The following PGM2L1 variants were observed in gnomAD, a reference collection of about 807,000 sequenced individuals.
PGM2L1 encodes the protein phosphoglucomutase 2 like 1.
PGM2L1 carries 35 observed loss-of-function variants against 73.4 expected under a neutral mutation model. The observed-to-expected ratio is 0.48, with a 90% CI of 0.36 to 0.63. The LOEUF (loss-of-function observed/expected upper bound fraction) is 0.63. PGM2L1 is among the 30% of genes least tolerant of loss of function. The pLI is 0.00. For missense variants in PGM2L1, 570 were observed against 742.0 expected (o/e 0.77, Z 2.69); for synonymous variants, 225 against 253.8 (o/e 0.89, Z 1.08).
At chr11:74,354,461 C>A (rs762464166) in intron 5 of PGM2L1, 1 of 858,932 alleles carries the variant, frequency 1.2e-6, no homozygotes, top group Non-Finnish European at 1.9e-6. Flanking sequence ...GTCAGAGTCT[C>A]CTAAAGAGCC....
chr11:74,361,028 T>C (rs895406044), intron 5 of PGM2L1, among the ~76,000 whole-genome samples: 1 of 152,176 alleles, frequency 6.6e-6, no homozygotes, highest in Non-Finnish European at 1.5e-5. Flanking sequence ...AATGTCCCTG[T>C]CTGACAGCTT....
intron 3 of PGM2L1, 111 bp from the exon 4 acceptor site, chr11:74,371,097 A>G: frequency 1.6e-6 from 1 of 641,730 alleles, no homozygotes; most frequent in Non-Finnish European, 2.5e-6. Flanking sequence ...GTATCCTAAT[A>G]TAGCCCTTTC....
At chr11:74,341,638 G>A (rs1862183592) in intron 12 of PGM2L1, among the ~76,000 whole-genome samples, 1 of 143,868 alleles carries the variant, frequency 7.0e-6, no homozygotes, top group Admixed American at 7.4e-5. Flanking sequence ...GTTGCAGTAA[G>A]CTGAGATCAT....
At chr11:74,342,307 T>C (rs957178314) in intron 12 of PGM2L1, among the ~76,000 whole-genome samples, 154 bp downstream of exon 12, 30 of 152,278 alleles carry the variant, frequency 2.0e-4, no homozygotes, top group African/African-American at 7.2e-4. Context: ...ATCTCTTCCA[T>C]CTGGCTGTTC....
chr11:74,390,631 G>A (rs191534683), intron 1 of PGM2L1, among the ~76,000 whole-genome samples: 64 of 152,244 alleles, frequency 4.2e-4, no homozygotes, highest in Admixed American at 1.7e-3. Flanking sequence ...GGAACGAAAG[G>A]ACTAAACCTA....
chr11:74,363,850 T>G (rs1172714132), intron 5 of PGM2L1, among the ~76,000 whole-genome samples: 1 of 152,184 alleles, frequency 6.6e-6, no homozygotes, highest in Non-Finnish European at 1.5e-5. Flanking sequence ...GAATCCTCCC[T>G]AACTCATTTG....
chr11:74,359,075 TC>T (rs779253121), intron 5 of PGM2L1, among the ~76,000 whole-genome samples: 1 of 152,150 alleles, frequency 6.6e-6, no homozygotes, highest in Non-Finnish European at 1.5e-5. Context: ...GCATATATAT[TC>T]ATGCATATAT....
At chr11:74,383,339 A>T (rs1862974062) in intron 1 of PGM2L1, among the ~76,000 whole-genome samples, 1 of 152,190 alleles carries the variant, frequency 6.6e-6, no homozygotes, top group Non-Finnish European at 1.5e-5. Context: ...ATGCACAGAA[A>T]AATAAAACTA....
intron 5 of PGM2L1, chr11:74,355,291 C>T (rs1480089515): frequency 6.7e-6 from 6 of 897,452 alleles, no homozygotes; most frequent in Admixed American, 5.1e-5. Context: ...TGGTGGCTCA[C>T]ACCTGTAATC....
intron 2 of PGM2L1, among the ~76,000 whole-genome samples, chr11:74,372,462 A>C (rs1014256026): frequency 3.9e-5 from 6 of 152,232 alleles, no homozygotes; most frequent in African/African-American, 1.2e-4. Context: ...AACTAAAACC[A>C]TTTAACTATC....
chr11:74,368,462 A>G, intron 5 of PGM2L1, 30 bp downstream of exon 5: 1 of 1,546,462 alleles, frequency 6.5e-7, no homozygotes, highest in Non-Finnish European at 8.9e-7. Context: ...GAACTATAAG[A>G]TAAGCAAAGG....
At chr11:74,350,058 G>T (rs1591170475) in intron 6 of PGM2L1, among the ~76,000 whole-genome samples, 1 of 151,956 alleles carries the variant, frequency 6.6e-6, no homozygotes, top group East Asian at 1.9e-4. Flanking sequence ...ATTTGCTTTT[G>T]CCCATATACT....
At chr11:74,355,816 A>G in intron 5 of PGM2L1, 1 of 451,792 alleles carries the variant, frequency 2.2e-6, no homozygotes, top group Non-Finnish European at 4.4e-6. Context: ...AACTCAGCCA[A>G]GCACAGTGGT....
chr11:74,342,639 T>C lies in PGM2L1; in HGVS notation c.1454A>G (p.His485Arg). 1 of 1,578,754 alleles carries C rather than the reference T, an allele frequency of 6.3e-7. No homozygotes were observed. Among genetic ancestry groups the C allele is most frequent in the Non-Finnish European group, 8.6e-7 (1 of 1,161,818 alleles). Residue 485 changes from histidine to arginine, a missense_variant, in exon 12 of 14, where the codon CAT becomes CGT. Physicochemically the swap from His to Arg is conservative, Grantham distance 29. Coordinates refer to ENST00000298198, the MANE Select transcript of PGM2L1 (RefSeq NM_173582.6). ...LVKVYEKYGY[H>R]ISKTSYFLCY... ...CAAGAAATAGGAAGTTTTTGAAATA[T>C]GATAACCATATCTGTGCAAAGATTC...
intron 4 of PGM2L1, among the ~76,000 whole-genome samples, chr11:74,369,064 C>T (rs1457398307): frequency 6.6e-6 from 1 of 152,138 alleles, no homozygotes; most frequent in African/African-American, 2.4e-5. Context: ...TAATATTAGC[C>T]ATAACTGCAT....
At chr11:74,393,282 T>C (rs542501504) in intron 1 of PGM2L1, among the ~76,000 whole-genome samples, 1 of 152,334 alleles carries the variant, frequency 6.6e-6, no homozygotes, top group South Asian at 2.1e-4. Flanking sequence ...ACTAGTATTA[T>C]AAAAATTGGA....
intron 1 of PGM2L1, chr11:74,397,535 G>A (rs1195744087): frequency 6.6e-6 from 1 of 152,278 alleles, no homozygotes; most frequent in Admixed American, 6.5e-5. Flanking sequence ...ACAGCAAAAG[G>A]TGATACTAGA....
chr11:74,374,892 C>T (rs568643616), intron 1 of PGM2L1, among the ~76,000 whole-genome samples: 168 of 152,164 alleles, frequency 1.1e-3, no homozygotes, highest in African/African-American at 3.8e-3. Flanking sequence ...TAGTAAAAAA[C>T]GACATCAATT....
Position 74,398,093 on chromosome 11 carries a change from AG to A in PGM2L1, c.68del (p.Pro23LeufsTer31). 3 of 1,612,620 alleles carry A rather than the reference AG, an allele frequency of 1.9e-6. No individual in the cohort carries two copies. Among genetic ancestry groups the A allele is most frequent in the Non-Finnish European group, 1.7e-6 (2 of 1,179,202 alleles). ...LLHAPYHTGDPQLDTAIGQWL... is the reference protein window; with the variant it reads ...LLHAPYHTGDXQLDTAIGQWL... ...ACTGCCCGATGGCCGTGTCCAGCTG[AG>A]GGTCCCCGGTGTGGTAGGGGGCGTG... On this transcript the variant is annotated frameshift_variant, in exon 1 of 14. Coordinates refer to ENST00000298198, the MANE Select transcript of PGM2L1 (RefSeq NM_173582.6). LOFTEE classifies it high-confidence loss of function.
Sources: allele counts gnomAD v4.1 joint callset (sites outside exome capture counted in the v4.1 genomes callset), GRCh38; gene constraint gnomAD v4.1.1; transcripts MANE v1.5; gene names NCBI Gene and HGNC (gene_info 2026-07-23, HGNC 2026-07-21).